The following THSD4 variants were observed in gnomAD, a reference collection of about 807,000 sequenced individuals.
THSD4 encodes thrombospondin type 1 domain containing 4, also known as thrombospondin type-1 domain-containing protein 4.
Under a neutral mutation model 119.0 loss-of-function variants are expected in THSD4, and 69 were observed. The observed-to-expected ratio is 0.58, with a 90% CI of 0.48 to 0.71. The LOEUF (loss-of-function observed/expected upper bound fraction) is 0.71, where lower values mean the gene tolerates loss of function less well. Among genes scored for constraint, THSD4 ranks in the 30% least tolerant of loss-of-function variants. The pLI is 0.00. For synonymous variants in THSD4, 524 were observed against 540.4 expected (o/e 0.97, Z 0.42); for missense variants, 1,393 against 1,391.1 (o/e 1.00, Z -0.02).
At chr15:71,271,909 C>T (rs2044535239) in intron 6 of THSD4, among the ~76,000 whole-genome samples, 1 of 152,120 alleles carries the variant, frequency 6.6e-6, no homozygotes. Flanking sequence ...ACCTCAAAAG[C>T]ACAGACAAAA....
chr15:71,298,681 C>T lies in THSD4; in HGVS notation c.1015+41966C>T, dbSNP rs560475597. Reference sequence around the variant, plus strand: ...AGGCTCGAGTGCAGTGGTGCGATCTCGGCTCACTGCAATCTCTGCCTCCTG... The same window carrying T: ...AGGCTCGAGTGCAGTGGTGCGATCTTGGCTCACTGCAATCTCTGCCTCCTG... On this transcript the variant is annotated intron_variant, in intron 6 of 17. Coordinates refer to ENST00000261862, the MANE Select transcript of THSD4 (RefSeq NM_024817.3). 5.5e-5 allele frequency among the ~76,000 whole-genome samples: 8 copies of T among 146,450 alleles called. No individual in the cohort carries two copies. In the South Asian group the frequency reaches 6.5e-4, roughly 12 times the overall value.
chr15:71,169,090 C>T (rs1375042924), intron 3 of THSD4, among the ~76,000 whole-genome samples: 4 of 152,018 alleles, frequency 2.6e-5, no homozygotes, highest in South Asian at 2.1e-4. Context: ...ATAAAGAACC[C>T]CTTCAGATCA....
chr15:71,241,818 A>G (rs572440053), intron 4 of THSD4, among the ~76,000 whole-genome samples: 3 of 152,328 alleles, frequency 2.0e-5, no homozygotes, highest in South Asian at 2.1e-4. Context: ...CCCATGGCCC[A>G]TGGGCGTCAT....
intron 6 of THSD4, among the ~76,000 whole-genome samples, chr15:71,310,104 C>T (rs1057359691): frequency 7.9e-5 from 12 of 152,196 alleles, no homozygotes; most frequent in African/African-American, 1.9e-4. Context: ...ATTTTCAAAC[C>T]GTGGTCCTTG....
intron 6 of THSD4, among the ~76,000 whole-genome samples, chr15:71,367,212 GCT>G (rs1034877551): frequency 8.0e-5 from 11 of 137,832 alleles, no homozygotes; most frequent in African/African-American, 2.5e-4. Context: ...CTCATGCTAG[GCT>G]CTCTTTTTTT....
At chr15:71,526,148 A>T (rs2048515440) in intron 7 of THSD4, among the ~76,000 whole-genome samples, 1 of 152,146 alleles carries the variant, frequency 6.6e-6, no homozygotes, top group Non-Finnish European at 1.5e-5. Context: ...TGCCTACTTG[A>T]ACCGAGTTTC....
chr15:71,739,779 C>G lies in THSD4; in HGVS notation c.1906+1772C>G, dbSNP rs1056253933. 2.0e-5 allele frequency among the ~76,000 whole-genome samples: 3 copies of G among 148,182 alleles called. No homozygotes were observed. In the East Asian group the frequency reaches 6.0e-4, roughly 30 times the overall value. On this transcript the variant is annotated intron_variant, in intron 11 of 17. Transcript: ENST00000261862. ...TGCAAACTGGGGAACTGTGTGATGT[C>G]CCAGAGCATTGGTTTGGGGTGGTTT... is the stretch of plus-strand genomic sequence containing the variant.
intron 8 of THSD4, among the ~76,000 whole-genome samples, chr15:71,683,910 G>A (rs1433749405): frequency 6.6e-6 from 1 of 152,144 alleles, no homozygotes; most frequent in Non-Finnish European, 1.5e-5. Flanking sequence ...AGGAGGCAAG[G>A]TTGCAGTGAG....
chr15:71,228,970 C>T lies in THSD4; in HGVS notation c.464+13571C>T, dbSNP rs773298093. On this transcript the variant is annotated intron_variant, in intron 4 of 17. Coordinates refer to ENST00000261862, the MANE Select transcript of THSD4 (RefSeq NM_024817.3). ...GTTCATTGTGGGCTAGTGCTGAAAA[C>T]GTTTCCTTTCTCAATTTGGGGGGAA... Among the ~76,000 whole-genome samples, 9 of 152,216 alleles carry T rather than the reference C, an allele frequency of 5.9e-5. No individual in the cohort carries two copies. In the South Asian group the frequency reaches 1.0e-3, roughly 18 times the overall value.
At chr15:71,518,309 T>C (rs971977710) in intron 7 of THSD4, among the ~76,000 whole-genome samples, 1 of 152,128 alleles carries the variant, frequency 6.6e-6, no homozygotes, top group Non-Finnish European at 1.5e-5. Flanking sequence ...AATTTTTATC[T>C]GTCAGCTTTA....
At chr15:71,162,691 ATTG>A (rs1267850192) in intron 3 of THSD4, among the ~76,000 whole-genome samples, 1 of 152,000 alleles carries the variant, frequency 6.6e-6, no homozygotes, top group Non-Finnish European at 1.5e-5. Flanking sequence ...CTTAGAAAAT[ATTG>A]TTGTTGTCGT....
intron 7 of THSD4, among the ~76,000 whole-genome samples, chr15:71,422,922 T>C (rs1028565843): frequency 6.6e-6 from 1 of 151,960 alleles, no homozygotes; most frequent in African/African-American, 2.4e-5. Context: ...TTCCCACTCT[T>C]CCTTCCCCTT....
intron 4 of THSD4, among the ~76,000 whole-genome samples, chr15:71,235,924 G>A (rs1449832344): frequency 6.6e-6 from 1 of 152,150 alleles, no homozygotes; most frequent in Non-Finnish European, 1.5e-5. Flanking sequence ...TAAAACTCAG[G>A]ACCTTCAAGG....
intron 7 of THSD4, among the ~76,000 whole-genome samples, chr15:71,658,391 G>T (rs182333017): frequency 2.0e-5 from 3 of 152,276 alleles, no homozygotes; most frequent in Admixed American, 1.3e-4. Context: ...TGGACAAGTC[G>T]AGTCCAGGGG....
chr15:71,500,005 G>GGAA (rs1405488476), intron 7 of THSD4, among the ~76,000 whole-genome samples: 1 of 152,088 alleles, frequency 6.6e-6, no homozygotes, highest in Non-Finnish European at 1.5e-5. Context: ...ACCCAGAAGT[G>GGAA]GAATTGTCAG....
chr15:71,780,314 A>T lies in THSD4; in HGVS notation c.*2940A>T, dbSNP rs2140267401. 6.2e-6 allele frequency: 1 copy of T among 162,192 alleles called. No individual in the cohort carries two copies. The highest frequency in any genetic ancestry group is 1.7e-4 in the East Asian group (1 of 5,962). 10.0% of individuals were successfully genotyped at this position (162,192 alleles called of 1,614,324 possible). A position where few individuals can be genotyped will look rare whatever the true frequency, so the allele number is the denominator to read the frequency against. ...CCTGCTCTGAATTTTAAAATTAGAT[A>T]TTAAAGCTGTCATATGGTTTCCTCA... On this transcript the variant is annotated 3_prime_UTR_variant, in exon 18 of 18. Transcript: ENST00000261862.
chr15:71,757,425 A>AT (rs1003124352), intron 14 of THSD4, among the ~76,000 whole-genome samples: 16 of 120,320 alleles, frequency 1.3e-4, no homozygotes, highest in East Asian at 2.3e-4. Context: ...ATATATATAT[A>AT]TTTTTTTATT....
chr15:71,158,686 C>T (rs2043225071), intron 3 of THSD4, among the ~76,000 whole-genome samples: 1 of 150,846 alleles, frequency 6.6e-6, no homozygotes, highest in Non-Finnish European at 1.5e-5. Context: ...ATTTAAGTTC[C>T]TTACATATTC....
chr15:71,483,674 G>C (rs2047769402), intron 7 of THSD4, among the ~76,000 whole-genome samples: 1 of 152,076 alleles, frequency 6.6e-6, no homozygotes, highest in Non-Finnish European at 1.5e-5. Flanking sequence ...GTGGTGGTTT[G>C]CTGCACCTGT....
Sources: allele counts gnomAD v4.1 joint callset (sites outside exome capture counted in the v4.1 genomes callset), GRCh38; gene constraint gnomAD v4.1.1; transcripts MANE v1.5; gene names NCBI Gene and HGNC (gene_info 2026-07-23, HGNC 2026-07-21).